Variants in GSG1L observed in about 807,000 individuals in gnomAD.
GSG1L encodes the protein GSG1 like.
In GSG1L, 24 loss-of-function variants were observed where a neutral mutation model predicts 42.1. The observed-to-expected ratio is 0.57, with a 90% confidence interval of 0.41 to 0.80. GSG1L has a LOEUF of 0.80. Ranked by LOEUF, GSG1L falls within the 30% of genes least tolerant of loss-of-function variation. The probability of loss-of-function intolerance (pLI) is 0.00; values close to 1 mark genes in which losing one functional copy is unlikely to be tolerated. For missense variants in GSG1L, 445 were observed against 472.2 expected (o/e 0.94, Z 0.53); for synonymous variants, 215 against 203.5 (o/e 1.06, Z -0.48).
chr16:28,037,212 G>A (rs1326189641), intron 1 of GSG1L, among the ~76,000 whole-genome samples: 1 of 152,244 alleles, frequency 6.6e-6, no homozygotes, highest in Non-Finnish European at 1.5e-5. Flanking sequence ...TTTTAGCAGA[G>A]ATGGGGTTTC....
chr16:27,846,943 G>A (rs530383650), intron 3 of GSG1L, among the ~76,000 whole-genome samples: 31 of 136,764 alleles, frequency 2.3e-4, no homozygotes, highest in Non-Finnish European at 2.6e-4. Context: ...GGTGACAGAG[G>A]GAGACTCCGT....
chr16:27,798,945 A>G (rs773732590), intron 6 of GSG1L, among the ~76,000 whole-genome samples: 1 of 152,112 alleles, frequency 6.6e-6, no homozygotes, highest in African/African-American at 2.4e-5. Context: ...AAATAGAAAT[A>G]CTACTCACAG....
At chr16:27,880,697 C>T (rs1433231323) in intron 3 of GSG1L, among the ~76,000 whole-genome samples, 1 of 152,136 alleles carries the variant, frequency 6.6e-6, no homozygotes, top group Admixed American at 6.5e-5. Context: ...GAGAGTCCCC[C>T]ACTTCCTGCC....
chr16:27,819,016 G>A (rs902676735), intron 5 of GSG1L, among the ~76,000 whole-genome samples: 2 of 152,166 alleles, frequency 1.3e-5, no homozygotes, highest in Non-Finnish European at 2.9e-5. Flanking sequence ...TTGGGAGGCC[G>A]AGGCGAGTGG....
intron 1 of GSG1L, among the ~76,000 whole-genome samples, chr16:28,045,039 A>G (rs2086146164): frequency 1.3e-5 from 2 of 149,358 alleles, no homozygotes; most frequent in African/African-American, 4.9e-5. Flanking sequence ...AAAAGGATCA[A>G]TGGTTGCCAG....
At chr16:28,035,652 C>T (rs1265326052) in intron 1 of GSG1L, among the ~76,000 whole-genome samples, 8 of 152,194 alleles carry the variant, frequency 5.3e-5, no homozygotes, top group Admixed American at 1.3e-4. Context: ...TTAACAGCAG[C>T]TCAAGTCATA....
chr16:27,896,334 G>T (rs2084192086), intron 2 of GSG1L, among the ~76,000 whole-genome samples: 1 of 152,156 alleles, frequency 6.6e-6, no homozygotes, highest in Non-Finnish European at 1.5e-5. Flanking sequence ...GCTCTCAAAG[G>T]TGTCCCCTTC....
intron 1 of GSG1L, among the ~76,000 whole-genome samples, chr16:28,050,434 G>A: frequency 6.6e-6 from 1 of 152,194 alleles, no homozygotes; most frequent in Non-Finnish European, 1.5e-5. Flanking sequence ...CAGAAGGGCT[G>A]GGATTGGAGG....
intron 3 of GSG1L, among the ~76,000 whole-genome samples, chr16:27,856,703 C>A (rs2083582750): frequency 6.6e-6 from 1 of 152,202 alleles, no homozygotes; most frequent in South Asian, 2.1e-4. Context: ...CAGTGGTGAT[C>A]TGAAGGTTCC....
In GSG1L at chr16:28,040,799, G is replaced by A. The variant is rs929277802; in HGVS notation, c.349+22277C>T. Among the ~76,000 whole-genome samples, 6 of 152,066 alleles carry A rather than the reference G, an allele frequency of 3.9e-5. No individual in the cohort carries two copies. Among genetic ancestry groups the A allele is most frequent in the African/African-American group, 1.4e-4 (6 of 41,404 alleles). ...CAGGGTAGTGCTGACTGGCCGCCAG[G>A]GCATCTCCTAGAATCAGTTCAGGTT... On this transcript the variant is annotated intron_variant, in intron 1 of 6. Transcript: ENST00000447459. The surrounding 1 kb of genome is among the most constrained non-coding windows in gnomAD (Gnocchi z 4.1).
At chr16:27,963,005 G>C (rs2085087432) in intron 2 of GSG1L, 151 bp downstream of exon 2, 1 of 661,516 alleles carries the variant, frequency 1.5e-6, no homozygotes, top group Admixed American at 2.6e-5. Context: ...AAGAAACTCA[G>C]GGCTTTGCAA....
intron 2 of GSG1L, among the ~76,000 whole-genome samples, chr16:27,941,156 C>T (rs907737825): frequency 6.6e-6 from 1 of 151,972 alleles, no homozygotes; most frequent in African/African-American, 2.4e-5. Flanking sequence ...ATAAACTGAA[C>T]AACATCAAAA....
intron 1 of GSG1L, among the ~76,000 whole-genome samples, chr16:28,047,838 T>C (rs1382510509): frequency 2.6e-5 from 4 of 152,162 alleles, no homozygotes; most frequent in Middle Eastern, 3.4e-3. Flanking sequence ...GAAATTCAAG[T>C]AAAAATGGGA....
At chr16:28,052,214 G>A (rs1336369247) in intron 1 of GSG1L, among the ~76,000 whole-genome samples, 8 of 152,018 alleles carry the variant, frequency 5.3e-5, no homozygotes, top group African/African-American at 1.7e-4. Flanking sequence ...CAGGAGTGGG[G>A]TGTGGAGGAG....
At chr16:27,973,275 C>T (rs2085212726) in intron 1 of GSG1L, among the ~76,000 whole-genome samples, 1 of 151,776 alleles carries the variant, frequency 6.6e-6, no homozygotes, top group African/African-American at 2.4e-5. Flanking sequence ...CATGGTGAAA[C>T]CCCGTCTCTA....
intron 1 of GSG1L, among the ~76,000 whole-genome samples, chr16:27,993,605 G>A (rs1021976821): frequency 6.6e-6 from 1 of 152,188 alleles, no homozygotes; most frequent in African/African-American, 2.4e-5. Context: ...CTGTGCCATG[G>A]CATTAAACTT....
chr16:28,004,446 T>G (rs1412203139), intron 1 of GSG1L, among the ~76,000 whole-genome samples: 13 of 131,336 alleles, frequency 9.9e-5, no homozygotes, highest in South Asian at 4.9e-4. Flanking sequence ...CCAGAAGCAG[T>G]GGGAGAGAGA....
intron 2 of GSG1L, among the ~76,000 whole-genome samples, chr16:27,905,396 C>T (rs1188834706): frequency 6.6e-6 from 1 of 150,708 alleles, no homozygotes; most frequent in African/African-American, 2.4e-5. Flanking sequence ...GCAATCATAG[C>T]TCACTGCACC....
chr16:27,903,666 GC>G (rs2084288765), intron 2 of GSG1L, among the ~76,000 whole-genome samples: 1 of 152,160 alleles, frequency 6.6e-6, no homozygotes, highest in Admixed American at 6.5e-5. Context: ...AGGGAGAGTG[GC>G]CTCAAAGCTG....
Sources: gnomAD v4.1 joint callset for allele counts (sites outside exome capture counted in the v4.1 genomes callset) on GRCh38, gnomAD v4.1.1 for gene constraint, Gnocchi (gnomAD v3.1) non-coding constraint, MANE v1.5 for transcripts, NCBI Gene and HGNC (gene_info 2026-07-23, HGNC 2026-07-21) for gene names.